Variants in LSM14A observed in about 807,000 individuals in gnomAD.
LSM14A encodes protein LSM14 homolog A.
LSM14A carries 14 observed loss-of-function variants against 52.4 expected under a neutral mutation model. That is an observed-to-expected ratio of 0.27 (90% CI 0.18 to 0.42). The LOEUF (loss-of-function observed/expected upper bound fraction) is 0.42, where lower values mean the gene tolerates loss of function less well. Among genes scored for constraint, LSM14A ranks in the 10% least tolerant of loss-of-function variants. The pLI is 1.00. For synonymous variants in LSM14A, 185 were observed against 200.3 expected (o/e 0.92, Z 0.64); for missense variants, 417 against 581.8 (o/e 0.72, Z 2.91).
intron 6 of LSM14A, among the ~76,000 whole-genome samples, chr19:34,216,991 G>T (rs969200232): frequency 6.6e-6 from 1 of 152,164 alleles, no homozygotes; most frequent in Non-Finnish European, 1.5e-5. Flanking sequence ...GCCAGGCACG[G>T]TGGCTCACAC....
chr19:34,225,259 A>G (rs2073280600), intron 9 of LSM14A, among the ~76,000 whole-genome samples: 1 of 151,942 alleles, frequency 6.6e-6, no homozygotes, highest in Non-Finnish European at 1.5e-5. Flanking sequence ...TTGATTGTTC[A>G]TTCCAGAGTT....
At chr19:34,218,025 A>G (rs1394305815) in intron 6 of LSM14A, among the ~76,000 whole-genome samples, 1 of 132,950 alleles carries the variant, frequency 7.5e-6, no homozygotes, top group Non-Finnish European at 1.6e-5. Flanking sequence ...CCCCCTGGAG[A>G]TAGAATCTCG....
Position 34,219,752 on chromosome 19 carries a change from A to G in LSM14A, c.1011A>G (p.Lys337=). ...KQEKPVNGED[K]GDSGVDTQNS... ...AGAAGCCTGTAAATGGTGAAGATAA[A>G]GGAGACTCAGGAGTTGATACCCAAA... The change falls in exon 8 of 10, where the codon AAA becomes AAG. Residue 337 remains lysine (K), a synonymous_variant. Transcript: ENST00000544216. The G allele has an allele frequency of 1.9e-6, 3 of 1,613,862 alleles. No individual in the cohort carries two copies. Among genetic ancestry groups the G allele is most frequent in the Non-Finnish European group, 2.5e-6 (3 of 1,179,858 alleles).
At chr19:34,219,084 T>A (rs1255369386) in intron 6 of LSM14A, among the ~76,000 whole-genome samples, 1 of 152,200 alleles carries the variant, frequency 6.6e-6, no homozygotes, top group Non-Finnish European at 1.5e-5. Context: ...GGAGCATACA[T>A]TAATTTAGTG....
intron 3 of LSM14A, among the ~76,000 whole-genome samples, chr19:34,203,813 AAAAG>A (rs1257849100): frequency 7.1e-4 from 108 of 151,190 alleles, no homozygotes; most frequent in African/African-American, 2.1e-3. Flanking sequence ...AAAAAAAAAA[AAAAG>A]AAAGAAAGAT....
At chr19:34,217,645 T>G (rs1168209313) in intron 6 of LSM14A, among the ~76,000 whole-genome samples, 2 of 123,472 alleles carry the variant, frequency 1.6e-5, no homozygotes, top group Admixed American at 8.7e-5. Context: ...TTTTTTTTTT[T>G]GAGACAGAGT....
In LSM14A at chr19:34,210,968, T is replaced by C. The variant is rs184822971; in HGVS notation, c.538+1917T>C. Among the ~76,000 whole-genome samples the C allele has an allele frequency of 1.8e-4, 27 of 152,190 alleles. No individual in the cohort carries two copies. The East Asian group carries it at 4.6e-3, about 26-fold the overall frequency. On this transcript the variant is annotated intron_variant, in intron 4 of 9. Coordinates refer to ENST00000544216, the MANE Select transcript of LSM14A (RefSeq NM_015578.4). ...TGAAGAATGAGAACTAATAAGGAAC[T>C]TAAATTAGGCACAGGCAAAATGTAA...
At chr19:34,173,571 C>T (rs1260605) in intron 1 of LSM14A, among the ~76,000 whole-genome samples, 53,086 of 151,970 alleles carry the variant, frequency 0.35, 9,750 homozygotes, top group African/African-American at 0.4. Context: ...GTGCCCCTAC[C>T]CACAGTGTTA....
At position 34,196,686 on chromosome 19, in the gene LSM14A, C is replaced by T. The variant is rs757181063; in HGVS notation, c.338C>T (p.Pro113Leu). ...TTCCAGTCCATGGGTTCTTATGGACCTTTCGGCAGGATGCCCACATACAGT... is the reference window on the plus strand; with the variant it reads ...TTCCAGTCCATGGGTTCTTATGGACTTTTCGGCAGGATGCCCACATACAGT... The part of the protein sequence containing the change: ...SSFQSMGSYG[P>L]FGRMPTYSQF... The change falls in exon 3 of 10, where the codon CCT (proline) becomes CTT (leucine). Residue 113 changes from proline to leucine, a missense_variant. By Grantham distance (98) the Pro-to-Leu change is moderately conservative (BLOSUM62 -3). Around this residue, in one of 2 missense-constraint regions of LSM14A, gnomAD observed 357 missense variants for 457.0 expected, o/e 0.78. Coordinates refer to ENST00000544216, the MANE Select transcript of LSM14A (RefSeq NM_015578.4). 6.2e-7 allele frequency: 1 copy of T among 1,613,550 alleles called. No individual in the cohort carries two copies.
chr19:34,218,492 G>A lies in LSM14A; in HGVS notation c.782-899G>A, dbSNP rs112496217. ...AGTTTGCCAAACCTCAGCAAACAGC[G>A]CAAACCTATCTTGTTACCCTGTAGT... On this transcript the variant is annotated intron_variant, in intron 6 of 9. Coordinates refer to ENST00000544216, the MANE Select transcript of LSM14A (RefSeq NM_015578.4). Among the ~76,000 whole-genome samples, 351 of 152,266 alleles carry A rather than the reference G, an allele frequency of 2.3e-3. 1 individual carries two copies. Among genetic ancestry groups the A allele is most frequent in the African/African-American group, 8.3e-3 (343 of 41,542 alleles).
chr19:34,175,065 G>A (rs941372090), intron 1 of LSM14A, among the ~76,000 whole-genome samples: 6 of 151,992 alleles, frequency 3.9e-5, no homozygotes, highest in Non-Finnish European at 8.8e-5. Flanking sequence ...GTCTGTAATA[G>A]TTAAATTCAT....
chr19:34,173,783 A>T (rs1260604), intron 1 of LSM14A, among the ~76,000 whole-genome samples: 1 of 152,000 alleles, frequency 6.6e-6, no homozygotes, highest in East Asian at 1.9e-4. Flanking sequence ...GGAACTGCAT[A>T]GCATGGTTAG....
chr19:34,217,651 A>G (rs1245593448), intron 6 of LSM14A, among the ~76,000 whole-genome samples: 2 of 78,658 alleles, frequency 2.5e-5, no homozygotes, highest in Non-Finnish European at 4.6e-5. Flanking sequence ...TTTTTGAGAC[A>G]GAGTCAACCT....
At chr19:34,179,786 A>T (rs1439045968) in intron 1 of LSM14A, among the ~76,000 whole-genome samples, 1 of 152,264 alleles carries the variant, frequency 6.6e-6, no homozygotes, top group Non-Finnish European at 1.5e-5. Flanking sequence ...TAATAATAGC[A>T]GTAACTACAG....
At chr19:34,186,602 AC>A (rs1309252640) in intron 1 of LSM14A, among the ~76,000 whole-genome samples, 1 of 152,182 alleles carries the variant, frequency 6.6e-6, no homozygotes, top group South Asian at 2.1e-4. Flanking sequence ...CCTGACCGAT[AC>A]CTGGAATCTT....
At chr19:34,218,487 A>C (rs2072836307) in intron 6 of LSM14A, among the ~76,000 whole-genome samples, 3 of 152,180 alleles carry the variant, frequency 2.0e-5, no homozygotes, top group Non-Finnish European at 4.4e-5. Flanking sequence ...ACCTCAGCAA[A>C]CAGCGCAAAC....
intron 1 of LSM14A, among the ~76,000 whole-genome samples, chr19:34,187,605 G>T (rs1427033029): frequency 6.6e-6 from 1 of 152,080 alleles, no homozygotes; most frequent in Non-Finnish European, 1.5e-5. Flanking sequence ...AATGTTAATA[G>T]TGTCATTTGG....
intron 4 of LSM14A, 54 bp from the exon 5 acceptor site, chr19:34,215,070 G>A: frequency 6.9e-7 from 1 of 1,454,924 alleles, no homozygotes; most frequent in Non-Finnish European, 9.3e-7. Context: ...TTAGGGTCTA[G>A]ATTATTTTGA....
chr19:34,224,504 A>G (rs1299083876), intron 9 of LSM14A, among the ~76,000 whole-genome samples: 1 of 152,214 alleles, frequency 6.6e-6, no homozygotes, highest in Non-Finnish European at 1.5e-5. Flanking sequence ...ACCTCCATGC[A>G]TCTTTGTCTA....
Sources: gnomAD v4.1 joint callset for allele counts (sites outside exome capture counted in the v4.1 genomes callset) on GRCh38, gnomAD v4.1.1 for gene constraint, gnomAD v4.1.1 regional missense constraint, MANE v1.5 for transcripts, NCBI Gene and HGNC (gene_info 2026-07-23, HGNC 2026-07-21) for gene names.